The following ANOS1 variants were observed in gnomAD, a reference collection of about 807,000 sequenced individuals.
ANOS1 encodes the protein anosmin-1.
ANOS1 carries 6 observed loss-of-function variants against 59.0 expected under a neutral mutation model. The ratio of observed to expected loss-of-function variants is 0.10; its 90% CI spans 0.06 to 0.20. The LOEUF (loss-of-function observed/expected upper bound fraction) is 0.20, where lower values mean the gene tolerates loss of function less well. ANOS1 is among the 10% of genes least tolerant of loss of function. ANOS1 has a pLI of 1.00. For missense variants in ANOS1, 433 were observed against 542.3 expected (o/e 0.80, Z 2.00); for synonymous variants, 217 against 223.4 (o/e 0.97, Z 0.25).
chrX:8,585,204 C>T lies in ANOS1; in HGVS notation c.856+63G>A. ...TATGAACATAGAGACAGTGAATCTG[C>T]ATTCCATGTGTGCCTGGTAGCAAGG... On this transcript the variant is annotated intron_variant, in intron 6 of 13. Coordinates refer to ENST00000262648, the MANE Select transcript of ANOS1 (RefSeq NM_000216.4). 4 of 1,117,176 alleles carry T rather than the reference C, an allele frequency of 3.6e-6. No individual in the cohort carries two copies. In the Middle Eastern group the frequency reaches 8.2e-4, roughly 228 times the overall value. The allele number at this position is 1,117,176 out of a possible 1,213,427, so 92.1% of individuals were successfully genotyped here.
At chrX:8,723,946 T>C (rs1932893164) in intron 1 of ANOS1, among the ~76,000 whole-genome samples, 1 of 112,430 alleles carries the variant, frequency 8.9e-6, no homozygotes, top group Non-Finnish European at 1.9e-5. Flanking sequence ...CACATTTCAT[T>C]GAATTCTCAA....
intron 8 of ANOS1, among the ~76,000 whole-genome samples, chrX:8,562,995 T>TATAA (rs2060697649): frequency 8.9e-6 from 1 of 112,582 alleles, no homozygotes; most frequent in Non-Finnish European, 1.9e-5. Context: ...TGGTTCATGA[T>TATAA]GAAATATATA....
chrX:8,712,955 G>T (rs1342760646), intron 1 of ANOS1, among the ~76,000 whole-genome samples: 1 of 111,069 alleles, frequency 9.0e-6, no homozygotes, highest in African/African-American at 3.3e-5. Context: ...TCCATACCTG[G>T]ACCTTGATTA....
intron 2 of ANOS1, among the ~76,000 whole-genome samples, chrX:8,633,080 A>G (rs1931515348): frequency 8.9e-6 from 1 of 111,828 alleles, no homozygotes; most frequent in African/African-American, 3.2e-5. Flanking sequence ...TGCCAAAATA[A>G]TGAAATCTTT....
At chrX:8,573,056 ATTTT>A (rs34564264) in intron 6 of ANOS1, among the ~76,000 whole-genome samples, 1 of 81,176 alleles carries the variant, frequency 1.2e-5, no homozygotes, top group Non-Finnish European at 2.3e-5. Flanking sequence ...ACTCTACTGG[ATTTT>A]TTTTTTTTTT....
chrX:8,729,712 T>TAAAAAAAAAAAAA (rs1173021674), intron 1 of ANOS1, among the ~76,000 whole-genome samples: 32 of 63,066 alleles, frequency 5.1e-4, no homozygotes, highest in African/African-American at 1.9e-3. Context: ...TTCTAATTAT[T>TAAAAAAAAAAAAA]AAAAAAAAAA....
Position 8,534,444 on chromosome X carries a change from G to A in ANOS1, c.1859C>T (p.Thr620Ile), listed in dbSNP as rs1447498986. 3 of 1,210,483 alleles carry A rather than the reference G, an allele frequency of 2.5e-6. No individual in the cohort carries two copies. Among genetic ancestry groups the A allele is most frequent in the Non-Finnish European group, 2.2e-6 (2 of 894,652 alleles). The stretch of plus-strand genomic sequence containing the variant: ...AGTAGATGGTCTCAGATTGGGCACT[G>A]TTAGGACATAATGATCCTAAGGGGA... ...QILPSDHYVL[T>I]VPNLRPSTLY... Residue 620 changes from threonine to isoleucine, a missense_variant, in exon 13 of 14, where the codon ACA becomes ATA. Thr to Ile is a moderately conservative substitution (Grantham distance 89, BLOSUM62 -1). Transcript: ENST00000262648.
chrX:8,731,772 G>A (rs996982129), intron 1 of ANOS1, 58 bp downstream of exon 1: 13 of 1,150,904 alleles, frequency 1.1e-5, no homozygotes, highest in Non-Finnish European at 1.5e-5. Flanking sequence ...GCGCGCCCCG[G>A]TGCGCCCACG....
intron 3 of ANOS1, among the ~76,000 whole-genome samples, chrX:8,601,747 G>C (rs1353835445): frequency 8.9e-6 from 1 of 112,353 alleles, no homozygotes; most frequent in Non-Finnish European, 1.9e-5. Flanking sequence ...AATATTACAT[G>C]AGGTAACACA....
At chrX:8,626,784 C>T (rs1335817043) in intron 2 of ANOS1, among the ~76,000 whole-genome samples, 1 of 106,446 alleles carries the variant, frequency 9.4e-6, no homozygotes, top group Admixed American at 1.0e-4. Context: ...TGGCGTGAAC[C>T]CGAGAGGCGG....
At chrX:8,728,218 G>A (rs1432627937) in intron 1 of ANOS1, among the ~76,000 whole-genome samples, 2 of 112,095 alleles carry the variant, frequency 1.8e-5, no homozygotes, top group African/African-American at 6.5e-5. Flanking sequence ...TGTGTGATGA[G>A]CCAACTTTTC....
At chrX:8,670,394 G>C (rs2146879985) in intron 2 of ANOS1, among the ~76,000 whole-genome samples, 1 of 111,281 alleles carries the variant, frequency 9.0e-6, no homozygotes, top group South Asian at 3.9e-4. Flanking sequence ...GTTGGGATTG[G>C]AATTGGCGTT....
intron 8 of ANOS1, among the ~76,000 whole-genome samples, chrX:8,562,424 T>G (rs1332711599): frequency 9.3e-6 from 1 of 107,889 alleles, no homozygotes; most frequent in Non-Finnish European, 1.9e-5. Flanking sequence ...AGTATGACCC[T>G]GACTTTATAA....
intron 3 of ANOS1, among the ~76,000 whole-genome samples, chrX:8,614,050 G>C (rs1179206716): frequency 8.9e-6 from 1 of 111,938 alleles, no homozygotes; most frequent in Non-Finnish European, 1.9e-5. Context: ...GACCAAGTCT[G>C]AGAAGGCCAG....
At chrX:8,572,849 A>G (rs1377611389) in intron 6 of ANOS1, among the ~76,000 whole-genome samples, 1 of 111,056 alleles carries the variant, frequency 9.0e-6, no homozygotes, top group Non-Finnish European at 1.9e-5. Context: ...GTACTGCATC[A>G]GGTGGCTCCT....
At chrX:8,568,568 TCCTGACTGCAATC>T (rs1936910483) in intron 7 of ANOS1, among the ~76,000 whole-genome samples, 192 bp from the exon 8 acceptor site, 1 of 110,763 alleles carries the variant, frequency 9.0e-6, no homozygotes, top group South Asian at 3.9e-4. Flanking sequence ...GTGCGGTGGC[TCCTGACTGCAATC>T]CCAGCACTTT....
intron 11 of ANOS1, 28 bp downstream of exon 11, chrX:8,536,743 T>C: frequency 8.6e-7 from 1 of 1,166,144 alleles, no homozygotes; most frequent in Non-Finnish European, 1.2e-6. Context: ...TAGACCTAGA[T>C]GTAGAAGTCC....
At chrX:8,548,981 G>A (rs983056902) in intron 9 of ANOS1, among the ~76,000 whole-genome samples, 4 of 111,919 alleles carry the variant, frequency 3.6e-5, no homozygotes, top group Non-Finnish European at 5.6e-5. Context: ...CGTCACATGA[G>A]CTCATCACTC....
At chrX:8,594,648 A>ATATATATGTG (rs1453600519) in intron 4 of ANOS1, among the ~76,000 whole-genome samples, 4 of 52,919 alleles carry the variant, frequency 7.6e-5, no homozygotes, top group Non-Finnish European at 9.5e-5. Context: ...ATCTACATAT[A>ATATATATGTG]TATATATGTG....
Sources: allele counts gnomAD v4.1 joint callset (sites outside exome capture counted in the v4.1 genomes callset), GRCh38; gene constraint gnomAD v4.1.1; transcripts MANE v1.5; gene names NCBI Gene and HGNC (gene_info 2026-07-23, HGNC 2026-07-21).